The following CSMD3 variants were observed in gnomAD, a reference collection of about 807,000 sequenced individuals.
CSMD3 encodes CUB and Sushi multiple domains 3.
In CSMD3, 177 loss-of-function variants were observed where a neutral mutation model predicts 435.2. The ratio of observed to expected loss-of-function variants is 0.41; its 90% confidence interval spans 0.36 to 0.46. The LOEUF is 0.46. Among genes scored for constraint, CSMD3 ranks in the 20% least tolerant of loss-of-function variants. The pLI, the probability that CSMD3 is intolerant of heterozygous loss-of-function variation, is 0.34. For missense variants in CSMD3, 4,265 were observed against 4,504.6 expected, an observed-to-expected ratio of 0.95 and a Z score of 1.52; for synonymous variants, 1,656 against 1,520.5, an observed-to-expected ratio of 1.09 and a Z score of -2.07.
intron 4 of CSMD3, among the ~76,000 whole-genome samples, chr8:113,137,564 C>T (rs1564356074): frequency 6.6e-6 from 1 of 151,592 alleles, no homozygotes; most frequent in Non-Finnish European, 1.5e-5. Context: ...GGCACCAGCA[C>T]ATTTATTTTC....
chr8:112,470,644 A>AAT (rs1482626833), intron 32 of CSMD3, among the ~76,000 whole-genome samples: 4 of 151,906 alleles, frequency 2.6e-5, no homozygotes, highest in Non-Finnish European at 5.9e-5. Context: ...ATATGTATAT[A>AAT]ATATATATAT....
rs939257845 is a variant in CSMD3, at chr8:112,354,325, T to C, written c.6137-1791A>G. 2.0e-5 allele frequency among the ~76,000 whole-genome samples: 3 copies of C among 152,280 alleles called. No individual in the cohort carries two copies. The South Asian group carries it at 6.2e-4, about 32-fold the overall frequency. On this transcript the variant is annotated intron_variant, in intron 38 of 70. Coordinates refer to ENST00000297405, the MANE Select transcript of CSMD3 (RefSeq NM_198123.2). ...TCACTCTCACCACTTGTACTCAACATAATTCTGGAAGTCCTAGCCAGAGCA... is the reference window on the plus strand; with the variant it reads ...TCACTCTCACCACTTGTACTCAACACAATTCTGGAAGTCCTAGCCAGAGCA...
intron 10 of CSMD3, among the ~76,000 whole-genome samples, chr8:112,891,172 C>T (rs1439322298): frequency 1.3e-5 from 2 of 151,572 alleles, no homozygotes; most frequent in African/African-American, 4.8e-5. Flanking sequence ...AGTCTCACTA[C>T]TCGATGTGTG....
chr8:113,251,377 G>A (rs753107890), intron 3 of CSMD3, among the ~76,000 whole-genome samples: 24 of 151,882 alleles, frequency 1.6e-4, no homozygotes, highest in Non-Finnish European at 2.8e-4. Context: ...CATACTGATC[G>A]CACAACTAAA....
intron 3 of CSMD3, among the ~76,000 whole-genome samples, chr8:113,257,647 G>T (rs1211998141): frequency 1.3e-5 from 2 of 152,088 alleles, no homozygotes; most frequent in African/African-American, 4.8e-5. Flanking sequence ...TGAAATATTT[G>T]CAAAACATTG....
intron 10 of CSMD3, among the ~76,000 whole-genome samples, chr8:112,867,382 G>T (rs1280418549): frequency 1.3e-5 from 2 of 152,038 alleles, no homozygotes; most frequent in Non-Finnish European, 2.9e-5. Flanking sequence ...ACAGAGTTGG[G>T]GGCATCACAC....
intron 41 of CSMD3, among the ~76,000 whole-genome samples, chr8:112,342,971 T>TTATATATATATTTATATATATATATTTA (rs1825275106): frequency 1.1e-5 from 1 of 92,408 alleles, no homozygotes; most frequent in Non-Finnish European, 2.2e-5. Context: ...TTGAAATGTA[T>TTATATATATATTTATATATATATATTTA]TATATATATA....
chr8:112,797,392 T>C (rs565935232), intron 13 of CSMD3, among the ~76,000 whole-genome samples: 1 of 151,998 alleles, frequency 6.6e-6, no homozygotes, highest in South Asian at 2.1e-4. Context: ...GAAATTATAT[T>C]TCCTTTAAAA....
chr8:112,251,425 G>C (rs992312757), intron 63 of CSMD3, among the ~76,000 whole-genome samples: 6 of 151,552 alleles, frequency 4.0e-5, no homozygotes, highest in Non-Finnish European at 8.9e-5. Flanking sequence ...ATTAACTTTG[G>C]TCCTAGGCTT....
At chr8:112,330,831 AGAAC>A (rs1823976226) in intron 45 of CSMD3, among the ~76,000 whole-genome samples, 1 of 152,108 alleles carries the variant, frequency 6.6e-6, no homozygotes, top group South Asian at 2.1e-4. Flanking sequence ...ATACCAGCTT[AGAAC>A]ATTGTCTGGC....
chr8:113,089,030 TC>T (rs1286617621), intron 5 of CSMD3, among the ~76,000 whole-genome samples: 1 of 152,164 alleles, frequency 6.6e-6, no homozygotes, highest in African/African-American at 2.4e-5. Flanking sequence ...TCTCTTTTTT[TC>T]GTGTTCTTTC....
intron 38 of CSMD3, among the ~76,000 whole-genome samples, chr8:112,370,023 GGAAGAAGAAGAAGAAGAA>G (rs71309767): frequency 0.032 from 2,121 of 66,620 alleles, 44 homozygotes; most frequent in Admixed American, 0.043. Flanking sequence ...AAGAAGAAGA[GGAAGAAGAAGAAGAAGAA>G]GAAGAAGAAG....
intron 10 of CSMD3, among the ~76,000 whole-genome samples, chr8:112,880,420 T>G (rs1328151470): frequency 2.6e-5 from 4 of 151,814 alleles, no homozygotes; most frequent in Non-Finnish European, 4.4e-5. Context: ...TAATCAGGAG[T>G]TATGGAACCA....
intron 1 of CSMD3, among the ~76,000 whole-genome samples, chr8:113,386,761 A>T (rs996576282): frequency 6.6e-6 from 1 of 151,888 alleles, no homozygotes; most frequent in Non-Finnish European, 1.5e-5. Flanking sequence ...ATTAAATAAG[A>T]TTACTGAGCC....
chr8:113,341,303 C>G (rs2094117203), intron 1 of CSMD3, among the ~76,000 whole-genome samples: 1 of 152,076 alleles, frequency 6.6e-6, no homozygotes, highest in African/African-American at 2.4e-5. Context: ...AGTACTAGAG[C>G]TTACTCCTCC....
chr8:112,679,571 T>C (rs981296275), intron 16 of CSMD3, among the ~76,000 whole-genome samples: 4 of 152,224 alleles, frequency 2.6e-5, no homozygotes, highest in Admixed American at 1.3e-4. Flanking sequence ...TATTTTATCT[T>C]ACTTAATTTT....
At chr8:113,010,125 T>A (rs916234680) in intron 6 of CSMD3, among the ~76,000 whole-genome samples, 6 of 151,446 alleles carry the variant, frequency 4.0e-5, no homozygotes, top group African/African-American at 1.5e-4. Flanking sequence ...TCAGAAAAGG[T>A]GTCTTGGAGT....
chr8:113,025,925 G>A (rs1480974508), intron 5 of CSMD3, among the ~76,000 whole-genome samples: 11 of 152,148 alleles, frequency 7.2e-5, no homozygotes, highest in Non-Finnish European at 2.9e-5. Context: ...TGAGTGTAGT[G>A]GAATGTCAGT....
chr8:112,944,876 T>C (rs897408496), intron 9 of CSMD3, among the ~76,000 whole-genome samples: 7 of 151,606 alleles, frequency 4.6e-5, no homozygotes, highest in African/African-American at 1.7e-4. Context: ...CTCTTGTCTT[T>C]CTACTTATTT....
Sources: allele counts gnomAD v4.1 joint callset (sites outside exome capture counted in the v4.1 genomes callset), GRCh38; gene constraint gnomAD v4.1.1; transcripts MANE v1.5; gene names NCBI Gene and HGNC (gene_info 2026-07-23, HGNC 2026-07-21).